The following SHPRH variants were observed in gnomAD, a reference collection of about 807,000 sequenced individuals.
SHPRH encodes the protein SNF2 histone linker PHD RING helicase, also known as E3 ubiquitin-protein ligase SHPRH.
Under a neutral mutation model 202.5 loss-of-function variants are expected in SHPRH, and 106 were observed. The ratio of observed to expected loss-of-function variants is 0.52; its 90% CI spans 0.45 to 0.62. The LOEUF (loss-of-function observed/expected upper bound fraction) is 0.62, where lower values mean the gene tolerates loss of function less well. Among genes scored for constraint, SHPRH ranks in the 20% least tolerant of loss-of-function variants. The pLI is 0.00. For synonymous variants in SHPRH, 729 were observed against 686.0 expected, an observed-to-expected ratio of 1.06 and a Z score of -0.98; for missense variants, 1,710 against 2,020.0, an observed-to-expected ratio of 0.85 and a Z score of 2.94.
intron 22 of SHPRH, 53 bp from the exon 23 acceptor site, chr6:145,918,285 T>G (rs1784125954): frequency 1.7e-6 from 2 of 1,146,624 alleles, no homozygotes; most frequent in Admixed American, 6.5e-5. Context: ...GACAGTTAAA[T>G]TATATTAAAT....
the SHPRH span, among the ~76,000 whole-genome samples, chr6:145,858,347 T>G: frequency 6.6e-6 from 1 of 152,050 alleles, no homozygotes; most frequent in Non-Finnish European, 1.5e-5. Context: ...TATATTGTGG[T>G]GTGGCCATAA....
rs1780915117 is a variant in SHPRH at position 145,885,423 on chromosome 6, C to A, written c.*1268G>T. On this transcript the variant is annotated 3_prime_UTR_variant, in exon 30 of 30. Coordinates refer to ENST00000275233, the MANE Select transcript of SHPRH (RefSeq NM_001042683.3). ...ATGCACCTTAACTAAGCACCAAAGC[C>A]TCTCGGACAAATGGGATCTAGGGAA... 1 of 152,420 alleles carries A rather than the reference C, an allele frequency of 6.6e-6. No individual in the cohort carries two copies. The highest frequency in any genetic ancestry group is 6.6e-5 in the Admixed American group (1 of 15,248). 9.4% of individuals were successfully genotyped at this position (152,420 alleles called of 1,614,324 possible). A position where few individuals can be genotyped will look rare whatever the true frequency, so the allele number is the denominator to read the frequency against.
At chr6:145,903,795 A>T (rs1048082067) in intron 25 of SHPRH, 1 of 152,106 alleles carries the variant, frequency 6.6e-6, no homozygotes, top group Non-Finnish European at 1.5e-5. Flanking sequence ...AACCTAGCCA[A>T]ATGTAAGACA....
intron 17 of SHPRH, among the ~76,000 whole-genome samples, chr6:145,924,246 A>C (rs542375090): frequency 1.3e-5 from 2 of 151,782 alleles, no homozygotes; most frequent in African/African-American, 4.8e-5. Context: ...TGAATGAATT[A>C]GAAAGACAAA....
At chr6:145,936,499 T>G (rs1786084697) in intron 11 of SHPRH, among the ~76,000 whole-genome samples, 1 of 151,976 alleles carries the variant, frequency 6.6e-6, no homozygotes, top group Non-Finnish European at 1.5e-5. Context: ...GCTAATTTTT[T>G]TATTTTCTGT....
At chr6:145,873,196 A>C (rs2265915) in intron 2 of SHPRH, among the ~76,000 whole-genome samples, 1 of 150,382 alleles carries the variant, frequency 6.6e-6, no homozygotes, top group African/African-American at 2.4e-5. Context: ...AGTTGGAAAT[A>C]AAAAAAAAAG....
chr6:145,947,390 T>C (rs750097586), intron 6 of SHPRH, 103 bp downstream of exon 6: 667 of 1,299,786 alleles, frequency 5.1e-4, no homozygotes, highest in Non-Finnish European at 6.6e-4. Flanking sequence ...ACCCACAGAG[T>C]GAACAGAAAG....
chr6:145,950,183 T>C (rs1444223397), intron 4 of SHPRH, 81 bp downstream of exon 4: 20 of 1,114,254 alleles, frequency 1.8e-5, no homozygotes, highest in Admixed American at 1.1e-4. Flanking sequence ...TTTATTTTAA[T>C]GATCAATTTC....
At chr6:145,945,346 G>A in intron 8 of SHPRH, 35 bp downstream of exon 8, 4 of 1,576,192 alleles carry the variant, frequency 2.5e-6, no homozygotes, top group Non-Finnish European at 3.4e-6. Flanking sequence ...TCACATACGT[G>A]TACTTAATAT....
At chr6:145,865,941 G>A (rs895625315) in intron 2 of SHPRH, among the ~76,000 whole-genome samples, 1 of 152,190 alleles carries the variant, frequency 6.6e-6, no homozygotes, top group African/African-American at 2.4e-5. Context: ...CCTGAATTTG[G>A]TGTCAGAAAG....
intron 14 of SHPRH, 62 bp downstream of exon 14, chr6:145,932,995 C>G: frequency 1.4e-6 from 2 of 1,466,112 alleles, no homozygotes; most frequent in Non-Finnish European, 1.9e-6. Flanking sequence ...TCTATTTTTT[C>G]TATAATTAAC....
In SHPRH at chr6:145,927,188, C is replaced by G; in HGVS notation, c.3201+1G>C. ...TATGAAACTGTTTAGTCTTTACTTA[C>G]TTGAAGTGAATCAGTTTTGAGTTTT... On this transcript the variant is annotated splice_donor_variant, in intron 15 of 29. Transcript: ENST00000275233. LOFTEE classifies it high-confidence loss of function. 3 of 1,610,966 alleles carry G rather than the reference C, an allele frequency of 1.9e-6. No homozygotes were observed. Among genetic ancestry groups the G allele is most frequent in the Non-Finnish European group, 2.5e-6 (3 of 1,178,072 alleles).
intron 4 of SHPRH, among the ~76,000 whole-genome samples, chr6:145,949,604 AAATTACATAG>A (rs903624164): frequency 2.6e-5 from 4 of 152,004 alleles, no homozygotes; most frequent in Non-Finnish European, 4.4e-5. Flanking sequence ...GAGGGATGAA[AAATTACATAG>A]TGGGTACGAT....
At position 145,952,433 on chromosome 6, in the gene SHPRH, A is replaced by T. The variant is rs774579486; in HGVS notation, c.679T>A (p.Leu227Met). ...TTCATTCTTGAATTTGCATCACTCA[A>T]GAAGTCTAGTTTTGCTAGGCCAGCT... The part of the protein sequence containing the change: ...LEAGLAKLDF[L>M]SDANSRMKKF... Residue 227 changes from leucine to methionine, a missense_variant, in exon 3 of 30, where the codon TTG (leucine) becomes ATG (methionine). Leu to Met is a conservative substitution (Grantham distance 15, BLOSUM62 2). Coordinates refer to ENST00000275233, the MANE Select transcript of SHPRH (RefSeq NM_001042683.3). The T allele has an allele frequency of 6.2e-7, 1 of 1,610,400 alleles. No homozygotes were observed. The highest frequency in any genetic ancestry group is 2.2e-5 in the East Asian group (1 of 44,694).
intron 7 of SHPRH, 81 bp downstream of exon 7, chr6:145,946,152 A>T: frequency 1.0e-6 from 1 of 982,564 alleles, no homozygotes; most frequent in Non-Finnish European, 1.5e-6. Flanking sequence ...TATAACAATT[A>T]CAAGATATCT....
intron 24 of SHPRH, 121 bp from the exon 25 acceptor site, chr6:145,910,757 A>C: frequency 1.0e-6 from 1 of 996,236 alleles, no homozygotes; most frequent in Non-Finnish European, 1.4e-6. Context: ...ATTCTTTGTC[A>C]TAAAGCCAAG....
At chr6:145,901,635 T>C (rs1332090057) in intron 25 of SHPRH, among the ~76,000 whole-genome samples, 1 of 152,124 alleles carries the variant, frequency 6.6e-6, no homozygotes, top group African/African-American at 2.4e-5. Flanking sequence ...GATGCAAAGT[T>C]AAGCTGGAAT....
chr6:145,864,749 G>A (rs1779696701), intron 2 of SHPRH, among the ~76,000 whole-genome samples: 1 of 151,726 alleles, frequency 6.6e-6, no homozygotes, highest in African/African-American at 2.4e-5. Flanking sequence ...AGCCCAAAGG[G>A]ATCAAAGTTT....
chr6:145,886,418 C>T lies in SHPRH; in HGVS notation c.*273G>A. 1.3e-6 allele frequency: 1 copy of T among 765,880 alleles called. No homozygotes were observed. The highest frequency in any genetic ancestry group is 1.7e-5 in the African/African-American group (1 of 58,768). 47.4% of individuals were successfully genotyped at this position (765,880 alleles called of 1,614,324 possible). A position where few individuals can be genotyped will look rare whatever the true frequency, so the allele number is the denominator to read the frequency against. On this transcript the variant is annotated 3_prime_UTR_variant, in exon 30 of 30. Transcript: ENST00000275233. ...AAGTACACATTACCTCTCTTAATTC[C>T]CTTGCATCATCAGATATAGATACTA...
Sources: allele counts gnomAD v4.1 joint callset (sites outside exome capture counted in the v4.1 genomes callset), GRCh38; gene constraint gnomAD v4.1.1; transcripts MANE v1.5; gene names NCBI Gene and HGNC (gene_info 2026-07-23, HGNC 2026-07-21).